The following AGPS variants were observed in gnomAD, a reference collection of about 807,000 sequenced individuals.
AGPS encodes the protein alkyldihydroxyacetonephosphate synthase, peroxisomal.
In AGPS, 26 loss-of-function variants were observed where a neutral mutation model predicts 90.7. That is an observed-to-expected ratio of 0.29 (90% CI 0.21 to 0.40). The LOEUF is 0.40. AGPS is among the 10% of genes least tolerant of loss of function. The probability of loss-of-function intolerance (pLI) is 1.00; values close to 1 mark genes in which losing one functional copy is unlikely to be tolerated. For synonymous variants in AGPS, 294 were observed against 285.3 expected, an observed-to-expected ratio of 1.03 and a Z score of -0.31; for missense variants, 540 against 816.1, an observed-to-expected ratio of 0.66 and a Z score of 4.12.
At chr2:177,418,509 G>A (rs1420064159) in intron 1 of AGPS, among the ~76,000 whole-genome samples, 1 of 151,778 alleles carries the variant, frequency 6.6e-6, no homozygotes, top group Non-Finnish European at 1.5e-5. Flanking sequence ...CATTTATTTT[G>A]TGTAATACCA....
rs2079259469 is a variant in AGPS, at chr2:177,543,666, A to G, written c.*5471A>G. The stretch of plus-strand genomic sequence containing the variant: ...AGCATAGCTTTGTCAATTCCGACTG[A>G]GCCATACTGTTTTCCACAAGGGCTC... On this transcript the variant is annotated 3_prime_UTR_variant, in exon 20 of 20. Coordinates refer to ENST00000264167, the MANE Select transcript of AGPS (RefSeq NM_003659.4). 1 of 152,240 alleles carries G rather than the reference A, an allele frequency of 6.6e-6. No homozygotes were observed. Among genetic ancestry groups the G allele is most frequent in the Non-Finnish European group, 1.5e-5 (1 of 68,046 alleles). 9.4% of individuals were successfully genotyped at this position (152,240 alleles called of 1,614,324 possible).
At chr2:177,468,141 G>A (rs1687509079) in intron 9 of AGPS, among the ~76,000 whole-genome samples, 2 of 152,034 alleles carry the variant, frequency 1.3e-5, no homozygotes, top group African/African-American at 4.8e-5. Flanking sequence ...TTAAATAAAT[G>A]TGTTATTCTG....
chr2:177,445,260 G>A (rs1215149979), intron 7 of AGPS, among the ~76,000 whole-genome samples: 1 of 152,180 alleles, frequency 6.6e-6, no homozygotes, highest in Non-Finnish European at 1.5e-5. Flanking sequence ...AGCTTAGACA[G>A]TTAAATAATT....
chr2:177,453,968 T>C lies in AGPS; in HGVS notation c.871-7925T>C, dbSNP rs569740824. Among the ~76,000 whole-genome samples, 120 of 146,156 alleles carry C rather than the reference T, an allele frequency of 8.2e-4. 1 individual carries two copies. The highest frequency in any genetic ancestry group is 2.9e-3 in the African/African-American group (119 of 40,906). On this transcript the variant is annotated intron_variant, in intron 8 of 19. Transcript: ENST00000264167. The stretch of plus-strand genomic sequence containing the variant: ...TCCCAAAGTGCTGGGATTATAGGCG[T>C]GAGCCACTGTGCCCAGCCCCCTCTG...
chr2:177,463,610 T>C (rs1687361919), intron 9 of AGPS, among the ~76,000 whole-genome samples: 2 of 152,192 alleles, frequency 1.3e-5, no homozygotes, highest in East Asian at 1.9e-4. Flanking sequence ...TTAAAAACTT[T>C]TGTCTATATT....
chr2:177,431,222 G>A (rs566193394), intron 2 of AGPS, among the ~76,000 whole-genome samples: 2 of 152,272 alleles, frequency 1.3e-5, no homozygotes, highest in South Asian at 4.2e-4. Flanking sequence ...AAACCAGCAA[G>A]TTTTTATTAG....
intron 10 of AGPS, among the ~76,000 whole-genome samples, chr2:177,480,029 A>ACCTT: frequency 6.6e-6 from 1 of 152,138 alleles, no homozygotes; most frequent in Non-Finnish European, 1.5e-5. Flanking sequence ...AAAAATACAA[A>ACCTT]ATTAGCCAGG....
At chr2:177,429,460 A>G (rs1686175049) in intron 2 of AGPS, among the ~76,000 whole-genome samples, 1 of 151,934 alleles carries the variant, frequency 6.6e-6, no homozygotes, top group Admixed American at 6.6e-5. Context: ...TCTAGCTTCA[A>G]TTTTTTGAGG....
At chr2:177,449,433 T>A (rs947191632) in intron 8 of AGPS, among the ~76,000 whole-genome samples, 1 of 152,222 alleles carries the variant, frequency 6.6e-6, no homozygotes, top group Non-Finnish European at 1.5e-5. Context: ...TGTTTTGTTT[T>A]GTTTTTTGAG....
intron 8 of AGPS, among the ~76,000 whole-genome samples, chr2:177,460,375 T>A (rs1445752665): frequency 6.6e-6 from 1 of 152,216 alleles, no homozygotes; most frequent in Non-Finnish European, 1.5e-5. Context: ...AACAAGTGAT[T>A]TAACTGTTTC....
At chr2:177,428,491 C>T (rs1393088469) in intron 2 of AGPS, among the ~76,000 whole-genome samples, 2 of 152,134 alleles carry the variant, frequency 1.3e-5, no homozygotes, top group African/African-American at 4.8e-5. Context: ...GTGCTTTCTT[C>T]AGGAGCTCTT....
At chr2:177,394,306 GGTTTGT>G (rs1685107309) in intron 1 of AGPS, among the ~76,000 whole-genome samples, 1 of 152,146 alleles carries the variant, frequency 6.6e-6, no homozygotes, top group Non-Finnish European at 1.5e-5. Flanking sequence ...CCCAGTTTTG[GGTTTGT>G]GTTTGTTAGT....
In AGPS at chr2:177,530,129, A is replaced by G. The variant is rs541278519; in HGVS notation, c.1855+6324A>G. Among the ~76,000 whole-genome samples, 5 of 152,332 alleles carry G rather than the reference A, an allele frequency of 3.3e-5. No homozygotes were observed. The East Asian group carries it at 9.6e-4, about 29-fold the overall frequency. On this transcript the variant is annotated intron_variant, in intron 19 of 19. Transcript: ENST00000264167. Reference sequence around the variant, plus strand: ...ATTACAGTGTATTTGAGAAAGATCCATACATTCAAGGGATATGATTCAACA... The same window carrying G: ...ATTACAGTGTATTTGAGAAAGATCCGTACATTCAAGGGATATGATTCAACA...
At chr2:177,399,547 T>C (rs964495309) in intron 1 of AGPS, among the ~76,000 whole-genome samples, 1 of 152,160 alleles carries the variant, frequency 6.6e-6, no homozygotes, top group African/African-American at 2.4e-5. Flanking sequence ...AGATCTGTAC[T>C]ACCTAATATT....
chr2:177,488,399 G>A (rs1358083592), intron 11 of AGPS, among the ~76,000 whole-genome samples: 1 of 151,948 alleles, frequency 6.6e-6, no homozygotes, highest in East Asian at 1.9e-4. Flanking sequence ...TGTATTTTTA[G>A]TAGAGACAGG....
chr2:177,526,050 T>C (rs7588049), intron 19 of AGPS, among the ~76,000 whole-genome samples: 128,088 of 152,144 alleles, frequency 0.84, 54,111 homozygotes, highest in East Asian at 0.95. Context: ...TAACCAACTC[T>C]AGTGCAAATC....
intron 13 of AGPS, among the ~76,000 whole-genome samples, chr2:177,499,210 G>T (rs1413110048): frequency 1.3e-5 from 2 of 151,738 alleles, no homozygotes; most frequent in African/African-American, 4.8e-5. Flanking sequence ...TATTTAATAA[G>T]AAGTTATTGT....
intron 1 of AGPS, among the ~76,000 whole-genome samples, chr2:177,410,751 G>T (rs1685597202): frequency 1.3e-5 from 2 of 152,190 alleles, no homozygotes; most frequent in East Asian, 1.9e-4. Context: ...GGCCCTCAAT[G>T]GTCAAGCATA....
chr2:177,521,377 G>A lies in AGPS; in HGVS notation c.1797+9G>A, dbSNP rs1407014968. The A allele has an allele frequency of 1.3e-6, 2 of 1,584,814 alleles. No individual in the cohort carries two copies. Among genetic ancestry groups the A allele is most frequent in the East Asian group, 4.5e-5 (2 of 44,718 alleles). On this transcript the variant is annotated intron_variant, in intron 18 of 19. Transcript: ENST00000264167. ...TATTTGAACAAACTGAGGTAATTTTGCATACCTGCATATAGCTTTTACAGC... is the reference window on the plus strand; with the variant it reads ...TATTTGAACAAACTGAGGTAATTTTACATACCTGCATATAGCTTTTACAGC...
Sources: allele counts gnomAD v4.1 joint callset (sites outside exome capture counted in the v4.1 genomes callset), GRCh38; gene constraint gnomAD v4.1.1; transcripts MANE v1.5; gene names NCBI Gene and HGNC (gene_info 2026-07-23, HGNC 2026-07-21).